SDK2: variants seen among roughly 807,000 people sequenced by gnomAD.
SDK2 encodes protein sidekick-2.
Under a neutral mutation model 253.9 loss-of-function variants are expected in SDK2, and 105 were observed. That is an observed-to-expected ratio of 0.41 (90% CI 0.35 to 0.49). SDK2 has a LOEUF of 0.49. Ranked by LOEUF, SDK2 falls within the 20% of genes least tolerant of loss-of-function variation. SDK2 has a pLI of 0.06. For missense variants in SDK2, 2,608 were observed against 3,003.0 expected (o/e 0.87, Z 3.07); for synonymous variants, 1,249 against 1,234.9 (o/e 1.01, Z -0.24).
intron 1 of SDK2, among the ~76,000 whole-genome samples, chr17:73,522,661 T>TTCTC (rs1335910602): frequency 5.9e-5 from 9 of 152,194 alleles, no homozygotes; most frequent in Non-Finnish European, 1.3e-4. Flanking sequence ...CTCCCCTTGC[T>TTCTC]TCTCTCGCTC....
intron 16 of SDK2, among the ~76,000 whole-genome samples, chr17:73,416,766 T>A (rs2063185880): frequency 6.6e-6 from 1 of 151,642 alleles, no homozygotes; most frequent in Non-Finnish European, 1.5e-5. Flanking sequence ...ATTTTTTGTA[T>A]TTTTAGTAGA....
intron 1 of SDK2, among the ~76,000 whole-genome samples, chr17:73,559,917 C>G (rs1019410797): frequency 2.6e-5 from 4 of 152,248 alleles, no homozygotes; most frequent in Non-Finnish European, 5.9e-5. Flanking sequence ...CTTGGCCTCA[C>G]TAAGCATTTC....
intron 6 of SDK2, 46 bp from the exon 7 acceptor site, chr17:73,438,200 A>G (rs934088508): frequency 1.9e-5 from 28 of 1,496,764 alleles, no homozygotes; most frequent in Middle Eastern, 1.7e-4. Flanking sequence ...GAGGACTCCC[A>G]GAGGCCTGAG....
chr17:73,497,560 A>G (rs2063852521), intron 2 of SDK2, among the ~76,000 whole-genome samples: 1 of 151,816 alleles, frequency 6.6e-6, no homozygotes, highest in South Asian at 2.1e-4. Context: ...TCCTTCCTCA[A>G]CCACCTCAAT....
intron 14 of SDK2, among the ~76,000 whole-genome samples, chr17:73,422,738 C>G (rs1465844549): frequency 6.6e-6 from 1 of 152,064 alleles, no homozygotes; most frequent in African/African-American, 2.4e-5. Context: ...AAATGCCATT[C>G]AGGCTGGGTG....
At chr17:73,638,506 T>G (rs2046359669) in intron 1 of SDK2, among the ~76,000 whole-genome samples, 2 of 152,014 alleles carry the variant, frequency 1.3e-5, no homozygotes, top group Non-Finnish European at 2.9e-5. Context: ...TTTGTAGACA[T>G]CTGGGTGGTG....
At chr17:73,403,948 GAATT>G (rs2063050105) in intron 18 of SDK2, among the ~76,000 whole-genome samples, 1 of 152,200 alleles carries the variant, frequency 6.6e-6, no homozygotes, top group Admixed American at 6.5e-5. Flanking sequence ...TATGCTGTTA[GAATT>G]AATTGTGTGG....
At chr17:73,611,276 C>G (rs558647341) in intron 1 of SDK2, among the ~76,000 whole-genome samples, 2 of 152,350 alleles carry the variant, frequency 1.3e-5, no homozygotes, top group South Asian at 4.1e-4. Flanking sequence ...CACCCAAGTT[C>G]AGCCTCTGGC....
intron 39 of SDK2, among the ~76,000 whole-genome samples, chr17:73,360,331 G>GAAGC (rs995631670): frequency 6.6e-6 from 1 of 152,228 alleles, no homozygotes; most frequent in Non-Finnish European, 1.5e-5. Context: ...AAGAAAAAGT[G>GAAGC]AAGCGCAGCC....
At chr17:73,374,932 C>G (rs138059248) in intron 36 of SDK2, among the ~76,000 whole-genome samples, 144 of 152,294 alleles carry the variant, frequency 9.5e-4, no homozygotes, top group African/African-American at 3.3e-3. Context: ...CTGCTCAGCA[C>G]AGCAGCCAGC....
At chr17:73,448,058 G>A (rs557289007) in intron 4 of SDK2, among the ~76,000 whole-genome samples, 1 of 152,320 alleles carries the variant, frequency 6.6e-6, no homozygotes, top group Admixed American at 6.5e-5. Context: ...GGGGCTTCCA[G>A]GTATCCCCTT....
intron 19 of SDK2, 49 bp from the exon 20 acceptor site, chr17:73,401,801 G>A: frequency 6.6e-7 from 1 of 1,505,322 alleles, no homozygotes; most frequent in Non-Finnish European, 9.0e-7. Context: ...TAGAGCCAGA[G>A]AGAGACCACC....
chr17:73,376,394 C>T (rs751044564), intron 36 of SDK2, among the ~76,000 whole-genome samples: 8 of 144,596 alleles, frequency 5.5e-5, no homozygotes, highest in Non-Finnish European at 7.5e-5. Context: ...GCTCTCAGAA[C>T]GTGCATGAAT....
Position 73,393,576 on chromosome 17 carries a change from C to T in SDK2, c.3882G>A (p.Glu1294=). 1 of 1,568,760 alleles carries T rather than the reference C, an allele frequency of 6.4e-7. No homozygotes were observed. The highest frequency in any genetic ancestry group is 8.7e-7 in the Non-Finnish European group (1 of 1,149,468). The stretch of plus-strand genomic sequence containing the variant: ...CGGACTCACCATCATCCAGCGTCCG[C>T]TCCAGGATGGGAGGGTGGCTGGGGC... ...DGSPSHPPIL[E]RTLDDVPGPP... The change falls in exon 27 of 45, where the codon GAG becomes GAA. Residue 1294 remains glutamate, a synonymous_variant. Coordinates refer to ENST00000392650, the MANE Select transcript of SDK2 (RefSeq NM_001144952.2).
chr17:73,481,372 T>C lies in SDK2; in HGVS notation c.225-9154A>G, dbSNP rs2063722548. ...GGAGGAACCCCTGACTCTGATGTGA[T>C]GGTTAATTTTAGGTGTCAACTTGAC... On this transcript the variant is annotated intron_variant, in intron 2 of 44. Transcript: ENST00000392650. The surrounding 1 kb of genome is among the most constrained non-coding windows in gnomAD (Gnocchi z 4.5). Among the ~76,000 whole-genome samples, 1 of 152,078 alleles carries C rather than the reference T, an allele frequency of 6.6e-6. No homozygotes were observed.
chr17:73,504,501 G>C (rs1258640468), intron 2 of SDK2: 1 of 151,454 alleles, frequency 6.6e-6, no homozygotes, highest in Non-Finnish European at 1.5e-5. Context: ...GCATGGTGTC[G>C]GGCGCCTGTA....
intron 16 of SDK2, among the ~76,000 whole-genome samples, chr17:73,418,172 T>C (rs1377518075): frequency 1.3e-5 from 2 of 152,044 alleles, no homozygotes; most frequent in Non-Finnish European, 2.9e-5. Context: ...CATGCCCAGG[T>C]AATTTTTGTA....
intron 2 of SDK2, among the ~76,000 whole-genome samples, chr17:73,478,360 C>T (rs2063700084): frequency 6.6e-6 from 1 of 152,116 alleles, no homozygotes; most frequent in Non-Finnish European, 1.5e-5. Context: ...TTTGCTTTCT[C>T]CCAGTTCAAT....
chr17:73,536,673 T>C (rs993996337), intron 1 of SDK2, among the ~76,000 whole-genome samples: 4 of 152,232 alleles, frequency 2.6e-5, no homozygotes, highest in Non-Finnish European at 5.9e-5. Context: ...CTCGTTGCTT[T>C]CCTTCTCCAA....
Sources: gnomAD v4.1 joint callset for allele counts (sites outside exome capture counted in the v4.1 genomes callset) on GRCh38, gnomAD v4.1.1 for gene constraint, Gnocchi (gnomAD v3.1) non-coding constraint, MANE v1.5 for transcripts, NCBI Gene and HGNC (gene_info 2026-07-23, HGNC 2026-07-21) for gene names.